Variants in ATP6V1C2 observed in about 807,000 individuals in gnomAD.
ATP6V1C2 encodes V-type proton ATPase subunit C 2.
In ATP6V1C2, 45 loss-of-function variants were observed where a neutral mutation model predicts 56.8. That is an observed-to-expected ratio of 0.79 (90% CI 0.62 to 1.02). ATP6V1C2 has a LOEUF of 1.02. Ranked by LOEUF, ATP6V1C2 falls within the 50% of genes least tolerant of loss-of-function variation. The pLI is 0.00. For synonymous variants in ATP6V1C2, 220 were observed against 201.3 expected (o/e 1.09, Z -0.79); for missense variants, 463 against 519.7 (o/e 0.89, Z 1.06).
chr2:10,769,072 C>T (rs1411765678), intron 6 of ATP6V1C2, among the ~76,000 whole-genome samples: 1 of 152,104 alleles, frequency 6.6e-6, no homozygotes, highest in African/African-American at 2.4e-5. Context: ...CTTCCATCTC[C>T]CAGCTTCTCC....
At chr2:10,781,451 C>G (rs185886363) in intron 12 of ATP6V1C2, among the ~76,000 whole-genome samples, 4 of 152,020 alleles carry the variant, frequency 2.6e-5, no homozygotes, top group Admixed American at 2.6e-4. Context: ...GCACTCCAGC[C>G]TGCGTGACAG....
rs6432140 is a variant in ATP6V1C2, at chr2:10,772,538, G to A, written c.570-4G>A. On this transcript the variant is annotated splice_polypyrimidine_tract_variant and splice_region_variant and intron_variant, in intron 7 of 13. Transcript: ENST00000272238. ...AATCACGTAACGATTCTATGTTCTTGCAGACCAAACTACTCACAATGGCAA... is the reference window on the plus strand; with the variant it reads ...AATCACGTAACGATTCTATGTTCTTACAGACCAAACTACTCACAATGGCAA... 4.5e-3 allele frequency: 7,334 copies of A among 1,613,272 alleles called. 311 individuals are homozygous for A. In the African/African-American group the frequency reaches 0.087, roughly 19 times the overall value.
chr2:10,734,174 T>C (rs1001344581), intron 3 of ATP6V1C2, among the ~76,000 whole-genome samples: 2 of 152,096 alleles, frequency 1.3e-5, no homozygotes, highest in African/African-American at 2.4e-5. Context: ...AGCCCTACTG[T>C]GTGTGTCTGC....
chr2:10,758,565 C>T (rs569367219), intron 4 of ATP6V1C2, among the ~76,000 whole-genome samples: 1 of 152,236 alleles, frequency 6.6e-6, no homozygotes, highest in East Asian at 1.9e-4. Context: ...CCACCACACG[C>T]CAGCCTGGAC....
In ATP6V1C2 at chr2:10,730,739, G is replaced by A. The variant is rs535736722; in HGVS notation, c.197+4170G>A. On this transcript the variant is annotated intron_variant, in intron 3 of 13. Transcript: ENST00000272238. ...ACAATCTCAGCTCACTGCAACCTCCGCCTCCTGGGTTAAAGCGATTCTCCT... is the reference window on the plus strand; with the variant it reads ...ACAATCTCAGCTCACTGCAACCTCCACCTCCTGGGTTAAAGCGATTCTCCT... 5.7e-5 allele frequency among the ~76,000 whole-genome samples: 8 copies of A among 139,602 alleles called. No individual in the cohort carries two copies. In the East Asian group the frequency reaches 1.2e-3, roughly 20 times the overall value. 91.6% of individuals were successfully genotyped at this position (139,602 alleles called of 152,430 possible). A position where few individuals can be genotyped will look rare whatever the true frequency, so the allele number is the denominator to read the frequency against.
intron 3 of ATP6V1C2, among the ~76,000 whole-genome samples, chr2:10,730,944 C>T (rs912454996): frequency 2.6e-5 from 4 of 151,594 alleles, no homozygotes; most frequent in African/African-American, 7.3e-5. Flanking sequence ...TGAGCCACTG[C>T]GCCCTGCCAA....
At chr2:10,747,849 CT>C (rs904276067) in intron 3 of ATP6V1C2, among the ~76,000 whole-genome samples, 6 of 151,318 alleles carry the variant, frequency 4.0e-5, no homozygotes, top group African/African-American at 1.2e-4. Flanking sequence ...GACTTTTTGA[CT>C]TTTTTTTTCT....
chr2:10,722,488 TC>T, intron 1 of ATP6V1C2, among the ~76,000 whole-genome samples: 2 of 151,988 alleles, frequency 1.3e-5, no homozygotes, highest in South Asian at 4.2e-4. Context: ...AGACAAATAT[TC>T]CCCCAGAAGG....
intron 3 of ATP6V1C2, among the ~76,000 whole-genome samples, chr2:10,732,683 G>C (rs1357808853): frequency 6.6e-6 from 1 of 151,898 alleles, no homozygotes; most frequent in Non-Finnish European, 1.5e-5. Context: ...TTAAGAAAAA[G>C]AAATGAAGGC....
chr2:10,776,501 T>C (rs1381288685), intron 10 of ATP6V1C2, among the ~76,000 whole-genome samples: 1 of 152,112 alleles, frequency 6.6e-6, no homozygotes, highest in Non-Finnish European at 1.5e-5. Flanking sequence ...CAGGAAAGAT[T>C]TTCCCCAGTG....
intron 4 of ATP6V1C2, among the ~76,000 whole-genome samples, chr2:10,754,273 C>G (rs1012259714): frequency 6.6e-6 from 1 of 152,120 alleles, no homozygotes; most frequent in Non-Finnish European, 1.5e-5. Context: ...CTGTTGCCCA[C>G]GCTGGAGTGT....
At chr2:10,772,959 A>C (rs1664724885) in intron 8 of ATP6V1C2, among the ~76,000 whole-genome samples, 1 of 152,218 alleles carries the variant, frequency 6.6e-6, no homozygotes, top group Non-Finnish European at 1.5e-5. Flanking sequence ...GCCCTGGCCT[A>C]AGTGGCTGCC....
At chr2:10,754,441 G>A (rs1009216154) in intron 4 of ATP6V1C2, among the ~76,000 whole-genome samples, 10 of 152,030 alleles carry the variant, frequency 6.6e-5, no homozygotes, top group African/African-American at 2.2e-4. Flanking sequence ...GGCCAGGCTG[G>A]CCTCAAGCTC....
At chr2:10,762,832 CT>C (rs1267092761) in intron 4 of ATP6V1C2, among the ~76,000 whole-genome samples, 1 of 151,982 alleles carries the variant, frequency 6.6e-6, no homozygotes, top group Non-Finnish European at 1.5e-5. Flanking sequence ...CGGTCCTCCC[CT>C]GTCCTCCTCT....
chr2:10,768,679 A>G (rs372972206), intron 5 of ATP6V1C2, 40 bp from the exon 6 acceptor site: 5 of 1,574,046 alleles, frequency 3.2e-6, no homozygotes, highest in South Asian at 1.1e-5. Context: ...AACTCCTTCA[A>G]TGCTCAGGGT....
At chr2:10,758,445 C>G (rs1419754426) in intron 4 of ATP6V1C2, among the ~76,000 whole-genome samples, 2 of 152,060 alleles carry the variant, frequency 1.3e-5, no homozygotes, top group Non-Finnish European at 2.9e-5. Context: ...AAGACTAGAG[C>G]TGGTAAAGCA....
chr2:10,772,313 A>G (rs1195321026), intron 7 of ATP6V1C2, among the ~76,000 whole-genome samples: 2 of 152,134 alleles, frequency 1.3e-5, no homozygotes, highest in African/African-American at 4.8e-5. Context: ...AGCGAGCCCC[A>G]AGTGTATCCA....
chr2:10,745,294 T>C (rs1254944424), intron 3 of ATP6V1C2, among the ~76,000 whole-genome samples: 1 of 151,432 alleles, frequency 6.6e-6, no homozygotes, highest in Non-Finnish European at 1.5e-5. Context: ...CACCTCAACC[T>C]CCCAAAGTGC....
chr2:10,777,979 C>T (rs543095655), intron 11 of ATP6V1C2, among the ~76,000 whole-genome samples: 14 of 146,850 alleles, frequency 9.5e-5, no homozygotes, highest in African/African-American at 1.7e-4. Context: ...GGAGCTGGGA[C>T]GGGCAGGGCC....
Sources: gnomAD v4.1 joint callset for allele counts (sites outside exome capture counted in the v4.1 genomes callset) on GRCh38, gnomAD v4.1.1 for gene constraint, MANE v1.5 for transcripts, NCBI Gene and HGNC (gene_info 2026-07-23, HGNC 2026-07-21) for gene names.